DDC: variants seen among roughly 807,000 people sequenced by gnomAD.
The protein encoded by DDC is dopa decarboxylase.
Under a neutral mutation model 60.0 loss-of-function variants are expected in DDC, and 43 were observed. The observed-to-expected ratio is 0.72, with a 90% CI of 0.56 to 0.92. The LOEUF is 0.92. Ranked by LOEUF, DDC falls within the 40% of genes least tolerant of loss-of-function variation. The pLI is 0.00. For missense variants in DDC, 573 were observed against 620.2 expected, an observed-to-expected ratio of 0.92 and a Z score of 0.81; for synonymous variants, 232 against 234.6, an observed-to-expected ratio of 0.99 and a Z score of 0.10.
intron 9 of DDC, chr7:50,492,873 A>G: frequency 6.3e-7 from 1 of 1,580,018 alleles, no homozygotes; most frequent in Non-Finnish European, 8.5e-7. Context: ...TCAGCTCTGC[A>G]GCGTCTGCGG....
intron 9 of DDC, among the ~76,000 whole-genome samples, chr7:50,489,970 T>C (rs2042965453): frequency 6.6e-6 from 1 of 152,252 alleles, no homozygotes; most frequent in Non-Finnish European, 1.5e-5. Context: ...ATACTGTCTT[T>C]ATTAGAGTTT....
intron 1 of DDC, among the ~76,000 whole-genome samples, chr7:50,553,484 C>CTTTTTTTTTTTTTTTT (rs5884158): frequency 2.4e-4 from 22 of 90,926 alleles, no homozygotes; most frequent in African/African-American, 3.2e-4. Flanking sequence ...TCTTTCTTTT[C>CTTTTTTTTTTTTTTTT]TTTTTTTTTT....
Position 50,528,234 on chromosome 7 carries a change from AATTTC to A in DDC, c.612_616del (p.Leu206SerfsTer45). The A allele has an allele frequency of 6.2e-7, 1 of 1,614,112 alleles. No individual in the cohort carries two copies. The highest frequency in any genetic ancestry group is 8.5e-7 in the Non-Finnish European group (1 of 1,180,026). ...GTTGCCATCTGAGGGGATGGCTTTT[AATTTC>A]ACTCCACCAATTAACCCAGCTCTTT... On this transcript the variant is annotated frameshift_variant, in exon 6 of 15. Transcript: ENST00000444124. LOFTEE classifies it high-confidence loss of function.
At chr7:50,502,659 A>C (rs190915639) in intron 7 of DDC, among the ~76,000 whole-genome samples, 87 of 152,322 alleles carry the variant, frequency 5.7e-4, no homozygotes, top group African/African-American at 2.0e-3. Context: ...TGTGCCACAG[A>C]GCATAAACGG....
chr7:50,552,942 C>T (rs1296492226), intron 1 of DDC, among the ~76,000 whole-genome samples: 1 of 152,218 alleles, frequency 6.6e-6, no homozygotes, highest in Non-Finnish European at 1.5e-5. Context: ...GTGCCATCTC[C>T]TGTCTCAGTC....
chr7:50,538,106 T>C, intron 3 of DDC, 127 bp from the exon 4 acceptor site: 1 of 1,189,570 alleles, frequency 8.4e-7, no homozygotes, highest in South Asian at 1.3e-5. Context: ...CAGATGTGAT[T>C]CAAAGGCCTG....
intron 14 of DDC, among the ~76,000 whole-genome samples, chr7:50,461,515 C>T (rs1267343000): frequency 6.6e-6 from 1 of 152,210 alleles, no homozygotes; most frequent in Non-Finnish European, 1.5e-5. Flanking sequence ...AACTGAGACT[C>T]CTATCGGAAA....
At chr7:50,552,160 G>T (rs1253579172) in intron 1 of DDC, among the ~76,000 whole-genome samples, 7 of 152,152 alleles carry the variant, frequency 4.6e-5, no homozygotes, top group Admixed American at 6.5e-5. Context: ...TTCCCACAAA[G>T]ACCTTTTTAG....
At chr7:50,527,039 TTG>T (rs1554429945) in intron 6 of DDC, among the ~76,000 whole-genome samples, 1 of 152,164 alleles carries the variant, frequency 6.6e-6, no homozygotes, top group Non-Finnish European at 1.5e-5. Context: ...CATACCTCTC[TTG>T]GCAACTAATT....
intron 12 of DDC, among the ~76,000 whole-genome samples, chr7:50,468,713 G>C (rs893967086): frequency 6.6e-6 from 1 of 152,116 alleles, no homozygotes; most frequent in African/African-American, 2.4e-5. Flanking sequence ...GTGGCAACAG[G>C]ACTTAAAATG....
intron 13 of DDC, among the ~76,000 whole-genome samples, chr7:50,466,693 G>C (rs992869982): frequency 6.6e-6 from 1 of 152,174 alleles, no homozygotes; most frequent in Non-Finnish European, 1.5e-5. Flanking sequence ...CCTGGTGAAT[G>C]CACAGCATCA....
intron 9 of DDC, among the ~76,000 whole-genome samples, chr7:50,492,215 A>G (rs1159156184): frequency 6.6e-6 from 1 of 152,232 alleles, no homozygotes; most frequent in Non-Finnish European, 1.5e-5. Flanking sequence ...TGTCCATGGC[A>G]CTTTGTTAAG....
chr7:50,564,621 C>T (rs1432645487), intron 1 of DDC, among the ~76,000 whole-genome samples: 3 of 152,194 alleles, frequency 2.0e-5, no homozygotes, highest in African/African-American at 4.8e-5. Flanking sequence ...AGGAGAACTT[C>T]GACTCCTTGA....
chr7:50,470,209 A>G, intron 11 of DDC, 38 bp from the exon 12 acceptor site: 1 of 1,456,628 alleles, frequency 6.9e-7, no homozygotes, highest in Admixed American at 1.7e-5. Context: ...AGTGAGGAAG[A>G]TATTAAAAGC....
At chr7:50,472,381 T>C (rs553113024) in intron 11 of DDC, among the ~76,000 whole-genome samples, 4 of 152,382 alleles carry the variant, frequency 2.6e-5, no homozygotes, top group Admixed American at 6.5e-5. Context: ...AGTCAATTCA[T>C]ATTTGATGCT....
intron 1 of DDC, among the ~76,000 whole-genome samples, chr7:50,558,936 C>T (rs750913884): frequency 5.9e-5 from 9 of 152,214 alleles, no homozygotes; most frequent in Admixed American, 1.3e-4. Flanking sequence ...CGCAGACACA[C>T]GTCTGCCTCC....
intron 1 of DDC, among the ~76,000 whole-genome samples, chr7:50,556,860 GAAGAATAGA>G (rs2045205897): frequency 6.6e-6 from 1 of 152,182 alleles, no homozygotes; most frequent in Non-Finnish European, 1.5e-5. Flanking sequence ...TCCTCCTCAT[GAAGAATAGA>G]AAGAATGGTG....
At chr7:50,523,178 A>C (rs1038821912) in intron 6 of DDC, among the ~76,000 whole-genome samples, 1 of 152,236 alleles carries the variant, frequency 6.6e-6, no homozygotes, top group African/African-American at 2.4e-5. Context: ...TCATAGACCT[A>C]CATCTATTTT....
chr7:50,540,391 G>A (rs1240498605), intron 2 of DDC, among the ~76,000 whole-genome samples: 2 of 152,128 alleles, frequency 1.3e-5, no homozygotes, highest in Admixed American at 6.5e-5. Flanking sequence ...CGGTGCTCTC[G>A]TCAGTGAAGG....
Sources: gnomAD v4.1 joint callset for allele counts (sites outside exome capture counted in the v4.1 genomes callset) on GRCh38, gnomAD v4.1.1 for gene constraint, MANE v1.5 for transcripts, NCBI Gene and HGNC (gene_info 2026-07-23, HGNC 2026-07-21) for gene names.